Variants in LAPTM5 observed in about 807,000 individuals in gnomAD.
The protein encoded by LAPTM5 is lysosomal-associated transmembrane protein 5.
A neutral mutation model predicts 30.1 loss-of-function variants in LAPTM5; 11 were observed. That is an observed-to-expected ratio of 0.37 (90% CI 0.23 to 0.60). The LOEUF (loss-of-function observed/expected upper bound fraction) is 0.60, where lower values mean the gene tolerates loss of function less well. LAPTM5 is among the 20% of genes least tolerant of loss of function. The pLI, the probability that LAPTM5 is intolerant of heterozygous loss-of-function variation, is 0.71. For synonymous variants in LAPTM5, 151 were observed against 137.9 expected, an observed-to-expected ratio of 1.10 and a Z score of -0.67; for missense variants, 324 against 332.5, an observed-to-expected ratio of 0.97 and a Z score of 0.20.
chr1:30,756,821 G>C (rs1640217351), intron 1 of LAPTM5, among the ~76,000 whole-genome samples: 1 of 152,216 alleles, frequency 6.6e-6, no homozygotes, highest in Non-Finnish European at 1.5e-5. Context: ...GAAGTCGCTT[G>C]GGTCTAGGGG....
intron 1 of LAPTM5, among the ~76,000 whole-genome samples, chr1:30,757,126 G>A (rs1335549405): frequency 1.3e-5 from 2 of 152,214 alleles, no homozygotes; most frequent in Non-Finnish European, 2.9e-5. Flanking sequence ...GAGAGGACAC[G>A]GCCCCTGCCT....
rs766623674 is a variant in LAPTM5, at chr1:30,733,823, G to T, written c.*5C>A. ...CCCAGCACTGGGGCTGGGGCCTGGCGAGGGTCACACCTCTGAGTATGGGGG... is the reference window on the plus strand; with the variant it reads ...CCCAGCACTGGGGCTGGGGCCTGGCTAGGGTCACACCTCTGAGTATGGGGG... On this transcript the variant is annotated 3_prime_UTR_variant, in exon 8 of 8. Transcript: ENST00000294507. 1.9e-6 allele frequency: 3 copies of T among 1,601,268 alleles called. No individual in the cohort carries two copies. Among genetic ancestry groups the T allele is most frequent in the Non-Finnish European group, 2.6e-6 (3 of 1,176,226 alleles).
In LAPTM5 at chr1:30,739,171, A is replaced by C; in HGVS notation, c.388-109T>G. 7.3e-7 allele frequency: 1 copy of C among 1,369,774 alleles called. No homozygotes were observed. The highest frequency in any genetic ancestry group is 9.9e-7 in the Non-Finnish European group (1 of 1,005,812). 84.9% of individuals were successfully genotyped at this position (1,369,774 alleles called of 1,614,324 possible). On this transcript the variant is annotated intron_variant, in intron 4 of 7. Transcript: ENST00000294507. This position sits in a 1 kb window ranked among gnomAD's most constrained non-coding sequence, Gnocchi z 4.2. ...TTGAGAGACCGTCTCAGCTACAGAC[A>C]TCAGTGACTCTCGTCCCCTGTGCAC...
At chr1:30,753,859 G>T (rs1371235053) in intron 1 of LAPTM5, among the ~76,000 whole-genome samples, 1 of 152,210 alleles carries the variant, frequency 6.6e-6, no homozygotes, top group Non-Finnish European at 1.5e-5. Flanking sequence ...CATGGGGGAC[G>T]CAAGAACTAT....
intron 1 of LAPTM5, among the ~76,000 whole-genome samples, chr1:30,754,120 G>A (rs1640176851): frequency 6.6e-6 from 1 of 152,176 alleles, no homozygotes. Context: ...GGGGAAGAGG[G>A]GTCAGGAAGA....
intron 5 of LAPTM5, 55 bp from the exon 6 acceptor site, chr1:30,737,754 GCACCCA>G: frequency 8.9e-7 from 1 of 1,126,294 alleles, no homozygotes; most frequent in Non-Finnish European, 1.3e-6. Context: ...AATTCCAACA[GCACCCA>G]CACATCCGGG....
At chr1:30,734,730 C>T (rs1194900985) in intron 7 of LAPTM5, among the ~76,000 whole-genome samples, 1 of 152,248 alleles carries the variant, frequency 6.6e-6, no homozygotes, top group Non-Finnish European at 1.5e-5. Context: ...GGAAAGCCTC[C>T]TTCTGCTTTC....
intron 2 of LAPTM5, 75 bp downstream of exon 2, chr1:30,742,381 T>G: frequency 9.6e-7 from 1 of 1,042,344 alleles, no homozygotes; most frequent in Non-Finnish European, 1.5e-6. Context: ...CCTCCAACAC[T>G]AGCCTGGCTA....
rs116158021 is a variant in LAPTM5 at position 30,744,612 on chromosome 1, G to C, written c.88-2063C>G. 4.2e-3 allele frequency among the ~76,000 whole-genome samples: 645 copies of C among 152,288 alleles called. 6 individuals carry two copies. The highest frequency in any genetic ancestry group is 0.015 in the African/African-American group (607 of 41,538). On this transcript the variant is annotated intron_variant, in intron 1 of 7. Coordinates refer to ENST00000294507, the MANE Select transcript of LAPTM5 (RefSeq NM_006762.3). Reference sequence around the variant, plus strand: ...CATCTCAACCTCCCCTTGCTAGAAGGAGCCTGCATGTACTTGTTTTATAAG... The same window carrying C: ...CATCTCAACCTCCCCTTGCTAGAAGCAGCCTGCATGTACTTGTTTTATAAG...
intron 3 of LAPTM5, among the ~76,000 whole-genome samples, chr1:30,741,099 G>C (rs1639964408): frequency 6.6e-6 from 1 of 152,186 alleles, no homozygotes; most frequent in Admixed American, 6.5e-5. Context: ...TGTCACACTA[G>C]ACTGTCCCTG....
chr1:30,743,794 G>GGTTT, intron 1 of LAPTM5, among the ~76,000 whole-genome samples: 1 of 85,780 alleles, frequency 1.2e-5, no homozygotes, highest in Admixed American at 1.4e-4. Context: ...TGACTGTGTG[G>GGTTT]GTTTTTTTTT....
intron 5 of LAPTM5, 101 bp from the exon 6 acceptor site, chr1:30,737,800 G>T (rs562081310): frequency 1.6e-5 from 12 of 759,984 alleles, no homozygotes; most frequent in Admixed American, 1.1e-4. Flanking sequence ...ACACACACAC[G>T]AGCACAGCGT....
Position 30,733,618 on chromosome 1 carries a change from C to T in LAPTM5, c.*210G>A, listed in dbSNP as rs530563188. Reference sequence around the variant, plus strand: ...TGTTGGGCTGAATTATGGAGAGACCCGAGGAGTGACTCAGCCTAAAGCGTT... The same window carrying T: ...TGTTGGGCTGAATTATGGAGAGACCTGAGGAGTGACTCAGCCTAAAGCGTT... On this transcript the variant is annotated 3_prime_UTR_variant, in exon 8 of 8. Transcript: ENST00000294507. The T allele has an allele frequency of 1.6e-5, 24 of 1,530,854 alleles. No individual in the cohort carries two copies. Among genetic ancestry groups the T allele is most frequent in the Admixed American group, 7.9e-5 (4 of 50,834 alleles). The allele number at this position is 1,530,854 out of a possible 1,614,324, so 94.8% of individuals were successfully genotyped here.
intron 6 of LAPTM5, 89 bp downstream of exon 6, chr1:30,737,515 C>T: frequency 1.1e-6 from 1 of 881,804 alleles, no homozygotes; most frequent in Non-Finnish European, 1.8e-6. Flanking sequence ...GACACATGTC[C>T]CTGCCTTCTA....
At chr1:30,740,399 T>TCCCCCCCCCCCCCCCCCCCCCCCCCC (rs148522746) in intron 3 of LAPTM5, among the ~76,000 whole-genome samples, 1 of 103,192 alleles carries the variant, frequency 9.7e-6, no homozygotes, top group Non-Finnish European at 2.0e-5. Context: ...AGAGAGCCCC[T>TCCCCCCCCCCCCCCCCCCCCCCCCCC]CCCCCCCACC....
Position 30,742,510 on chromosome 1 carries a change from C to A in LAPTM5, c.127G>T (p.Val43Leu). ...VLLFIEHSVEVAHGKASCKLS... is the reference protein window; with the variant it reads ...VLLFIEHSVELAHGKASCKLS... ...TTGCAGGACGCCTTGCCATGGGCCA[C>A]CTCTACTGAGTGCTCGATGAACAAC... Residue 43 changes from valine (V) to leucine (L), a missense_variant, in exon 2 of 8, where the codon GTG becomes TTG. Val to Leu is a conservative substitution (Grantham distance 32). Transcript: ENST00000294507. 1 of 1,613,868 alleles carries A rather than the reference C, an allele frequency of 6.2e-7. No individual in the cohort carries two copies. Among genetic ancestry groups the A allele is most frequent in the South Asian group, 1.1e-5 (1 of 91,030 alleles).
chr1:30,734,250 C>T (rs1476261095), intron 7 of LAPTM5, among the ~76,000 whole-genome samples: 1 of 152,180 alleles, frequency 6.6e-6, no homozygotes, highest in Non-Finnish European at 1.5e-5. Flanking sequence ...TGGACTTGGC[C>T]ACTCAAAGTA....
chr1:30,743,299 TTGAA>T (rs150944541), intron 1 of LAPTM5, among the ~76,000 whole-genome samples: 2,343 of 152,178 alleles, frequency 0.015, 66 homozygotes, highest in African/African-American at 0.052. Flanking sequence ...GTTGTATTTG[TTGAA>T]TGAATGAATG....
chr1:30,741,280 TCCCGTCTCTCA>T (rs1251486425), intron 3 of LAPTM5, among the ~76,000 whole-genome samples: 1 of 152,188 alleles, frequency 6.6e-6, no homozygotes, highest in East Asian at 1.9e-4. Context: ...CAGTGCTTTC[TCCCGTCTCTCA>T]CCCCCAGAAA....
Sources: allele counts gnomAD v4.1 joint callset (sites outside exome capture counted in the v4.1 genomes callset), GRCh38; gene constraint gnomAD v4.1.1; non-coding constraint Gnocchi (gnomAD v3.1); transcripts MANE v1.5; gene names NCBI Gene and HGNC (gene_info 2026-07-23, HGNC 2026-07-21).